The following GAS7 variants were observed in gnomAD, a reference collection of about 807,000 sequenced individuals.
The protein encoded by GAS7 is growth arrest-specific protein 7.
A neutral mutation model predicts 71.1 loss-of-function variants in GAS7; 28 were observed. The ratio of observed to expected loss-of-function variants is 0.39; its 90% confidence interval spans 0.29 to 0.54. The LOEUF (loss-of-function observed/expected upper bound fraction) is 0.54. GAS7 is among the 20% of genes least tolerant of loss of function. The pLI is 0.62. For missense variants in GAS7, 436 were observed against 627.8 expected (o/e 0.69, Z 3.27); for synonymous variants, 258 against 245.8 (o/e 1.05, Z -0.46).
intron 1 of GAS7, among the ~76,000 whole-genome samples, chr17:10,182,140 CG>C (rs1310535904): frequency 2.6e-5 from 4 of 152,146 alleles, no homozygotes; most frequent in Non-Finnish European, 4.4e-5. Context: ...GCTACCTAAG[CG>C]GTAGCCATCC....
intron 4 of GAS7, among the ~76,000 whole-genome samples, chr17:9,966,857 C>A (rs774730752): frequency 1.3e-5 from 2 of 152,194 alleles, no homozygotes; most frequent in Non-Finnish European, 2.9e-5. Flanking sequence ...GCAAGGGCAA[C>A]ACAGGGACAC....
At chr17:10,110,535 G>A (rs891064205) in intron 1 of GAS7, among the ~76,000 whole-genome samples, 3 of 152,046 alleles carry the variant, frequency 2.0e-5, no homozygotes, top group African/African-American at 7.2e-5. Context: ...GCGCAATCTT[G>A]GCTCACGGCA....
chr17:9,946,424 C>T (rs1248911954), intron 6 of GAS7, among the ~76,000 whole-genome samples: 2 of 152,162 alleles, frequency 1.3e-5, no homozygotes. Context: ...AAGTGATCTG[C>T]AAACGTTTTA....
intron 1 of GAS7, among the ~76,000 whole-genome samples, chr17:10,029,237 G>A (rs573034793): frequency 2.6e-5 from 4 of 152,186 alleles, no homozygotes; most frequent in Non-Finnish European, 5.9e-5. Flanking sequence ...AAAATACCAC[G>A]ACCTTCATTG....
chr17:9,930,311 G>A (rs1189900910), intron 9 of GAS7, among the ~76,000 whole-genome samples: 1 of 152,226 alleles, frequency 6.6e-6, no homozygotes, highest in African/African-American at 2.4e-5. Flanking sequence ...TCAGATAAGT[G>A]TAAAGAGACT....
Position 9,959,656 on chromosome 17 carries a change from A to G in GAS7, c.472-401T>C, listed in dbSNP as rs1024290086. ...TTAAGGCCACCACCTCCTGGCACTG[A>G]GGAATCAGCACACGACATTTTATTC... On this transcript the variant is annotated intron_variant, in intron 4 of 13. Coordinates refer to ENST00000432992, the MANE Select transcript of GAS7 (RefSeq NM_201433.2). This position sits in a 1 kb window ranked among gnomAD's most constrained non-coding sequence, Gnocchi z 5.0. Among the ~76,000 whole-genome samples, 1 of 152,182 alleles carries G rather than the reference A, an allele frequency of 6.6e-6. No individual in the cohort carries two copies. Among genetic ancestry groups the G allele is most frequent in the African/African-American group, 2.4e-5 (1 of 41,436 alleles).
intron 11 of GAS7, among the ~76,000 whole-genome samples, chr17:9,920,581 C>G (rs1347569065): frequency 3.3e-5 from 5 of 152,192 alleles, no homozygotes; most frequent in Non-Finnish European, 5.9e-5. Context: ...GCCCTGGGGT[C>G]GGCTAGAAAT....
intron 1 of GAS7, among the ~76,000 whole-genome samples, chr17:10,041,368 A>T (rs1405011347): frequency 6.6e-6 from 1 of 152,152 alleles, no homozygotes; most frequent in Non-Finnish European, 1.5e-5. Context: ...CCACTTTGAC[A>T]TTGCATCACA....
chr17:10,108,310 G>C (rs1417746471), intron 1 of GAS7, among the ~76,000 whole-genome samples: 1 of 152,228 alleles, frequency 6.6e-6, no homozygotes, highest in African/African-American at 2.4e-5. Context: ...GACGGGCCAA[G>C]GGCTCAGATG....
intron 2 of GAS7, 139 bp downstream of exon 2, chr17:10,019,638 T>C (rs2072181829): frequency 1.2e-6 from 1 of 805,682 alleles, no homozygotes; most frequent in African/African-American, 1.7e-5. Flanking sequence ...GGAGTAAGAC[T>C]TTACTGTAGC....
At chr17:9,960,553 A>T (rs1322715038) in intron 4 of GAS7, among the ~76,000 whole-genome samples, 1 of 152,196 alleles carries the variant, frequency 6.6e-6, no homozygotes, top group Non-Finnish European at 1.5e-5. Flanking sequence ...AAAGGCCAGA[A>T]AAAGGATGGA....
intron 1 of GAS7, among the ~76,000 whole-genome samples, chr17:10,094,259 G>T (rs2073618365): frequency 6.6e-6 from 1 of 152,190 alleles, no homozygotes. Flanking sequence ...TTAGCAGAGA[G>T]AAAACACCTG....
In GAS7 at chr17:9,919,187, C is replaced by T. The variant is rs1055290847; in HGVS notation, c.1218+439G>A. 2.0e-5 allele frequency among the ~76,000 whole-genome samples: 3 copies of T among 152,054 alleles called. No individual in the cohort carries two copies. The highest frequency in any genetic ancestry group is 2.9e-5 in the Non-Finnish European group (2 of 67,966). On this transcript the variant is annotated intron_variant, in intron 12 of 13. Coordinates refer to ENST00000432992, the MANE Select transcript of GAS7 (RefSeq NM_201433.2). This position sits in a 1 kb window ranked among gnomAD's most constrained non-coding sequence, Gnocchi z 5.0. ...TTCACCCTTGGTGAGAGGCCTCCCC[C>T]ACCCCACTGCCTAGCTCCATCCTCA...
At chr17:10,124,347 A>G (rs1426793672) in intron 1 of GAS7, among the ~76,000 whole-genome samples, 1 of 151,324 alleles carries the variant, frequency 6.6e-6, no homozygotes, top group Admixed American at 6.6e-5. Context: ...GAGAGACCCA[A>G]TGGGACGGGC....
chr17:10,072,572 G>C (rs1395141862), intron 1 of GAS7, among the ~76,000 whole-genome samples: 1 of 152,194 alleles, frequency 6.6e-6, no homozygotes, highest in African/African-American at 2.4e-5. Context: ...TCTAACAGAT[G>C]CTTCTGCCTT....
At chr17:9,938,175 G>A (rs1346231219) in intron 8 of GAS7, among the ~76,000 whole-genome samples, 1 of 152,094 alleles carries the variant, frequency 6.6e-6, no homozygotes, top group African/African-American at 2.4e-5. Flanking sequence ...GAGGTCATAA[G>A]GGTGCAGCCC....
At chr17:9,970,073 TACC>T (rs1322465920) in intron 3 of GAS7, among the ~76,000 whole-genome samples, 1 of 152,182 alleles carries the variant, frequency 6.6e-6, no homozygotes, top group Admixed American at 6.5e-5. Flanking sequence ...TTGCTACAAA[TACC>T]ACATCAGTTG....
At chr17:10,156,533 C>T (rs779281385) in intron 1 of GAS7, among the ~76,000 whole-genome samples, 11 of 152,188 alleles carry the variant, frequency 7.2e-5, no homozygotes, top group Non-Finnish European at 1.6e-4. Context: ...ACTTGCCTGT[C>T]GGGAGCTAGC....
At chr17:10,111,352 T>C (rs1411326553) in intron 1 of GAS7, among the ~76,000 whole-genome samples, 2 of 122,146 alleles carry the variant, frequency 1.6e-5, no homozygotes, top group Non-Finnish European at 3.6e-5. Flanking sequence ...GATAACACAG[T>C]GAAACCCCGT....
Sources: allele counts gnomAD v4.1 joint callset (sites outside exome capture counted in the v4.1 genomes callset), GRCh38; gene constraint gnomAD v4.1.1; non-coding constraint Gnocchi (gnomAD v3.1); transcripts MANE v1.5; gene names NCBI Gene and HGNC (gene_info 2026-07-23, HGNC 2026-07-21).